Variants in TAOK3 observed in about 807,000 individuals in gnomAD.
The protein encoded by TAOK3 is TAO kinase 3, also known as serine/threonine-protein kinase TAO3.
In TAOK3, 40 loss-of-function variants were observed where a neutral mutation model predicts 120.4. The observed-to-expected ratio is 0.33, with a 90% confidence interval of 0.26 to 0.43. The LOEUF is 0.43. TAOK3 is among the 20% of genes least tolerant of loss of function. The pLI is 1.00. For synonymous variants in TAOK3, 355 were observed against 387.5 expected (o/e 0.92, Z 0.99); for missense variants, 821 against 1,112.1 (o/e 0.74, Z 3.72).
chr12:118,251,922 T>C (rs466600), intron 3 of TAOK3, among the ~76,000 whole-genome samples: 109,873 of 151,518 alleles, frequency 0.73, 39,915 homozygotes, highest in South Asian at 0.76. Flanking sequence ...CCCGGGTTCA[T>C]GCCATTCTCC....
intron 17 of TAOK3, 140 bp from the exon 18 acceptor site, chr12:118,162,167 T>G (rs1275611058): frequency 9.1e-7 from 1 of 1,093,248 alleles, no homozygotes; most frequent in Non-Finnish European, 1.3e-6. Flanking sequence ...GCAGCAGGAC[T>G]TAATGAGATT....
intron 1 of TAOK3, among the ~76,000 whole-genome samples, chr12:118,273,567 C>A (rs1310491537): frequency 1.3e-5 from 2 of 151,960 alleles, no homozygotes; most frequent in Admixed American, 6.6e-5. Context: ...ATAATCTCAG[C>A]ACTTTGGGAG....
chr12:118,355,266 A>G (rs1420711407), intron 1 of TAOK3, among the ~76,000 whole-genome samples: 1 of 152,198 alleles, frequency 6.6e-6, no homozygotes, highest in Non-Finnish European at 1.5e-5. Flanking sequence ...TAGCTGATCT[A>G]AAATCTTAAG....
chr12:118,191,302 G>A lies in TAOK3; in HGVS notation c.1195-1361C>T, dbSNP rs1160980928. 2.6e-5 allele frequency among the ~76,000 whole-genome samples: 4 copies of A among 152,276 alleles called. No individual in the cohort carries two copies. In the East Asian group the frequency reaches 7.7e-4, roughly 29 times the overall value. On this transcript the variant is annotated intron_variant, in intron 13 of 20. Coordinates refer to ENST00000392533, the MANE Select transcript of TAOK3 (RefSeq NM_016281.4). ...GTATCTACCATTACACCTATATGGA[G>A]AATTGTTTTAAATTTATGTATTATA...
At chr12:118,279,741 G>A (rs931997578) in intron 1 of TAOK3, among the ~76,000 whole-genome samples, 1 of 150,608 alleles carries the variant, frequency 6.6e-6, no homozygotes, top group Non-Finnish European at 1.5e-5. Flanking sequence ...GCAACACCAT[G>A]CCCAGCTAAT....
In TAOK3 at chr12:118,161,810, CG is replaced by C; in HGVS notation, c.2116del (p.Arg706GlyfsTer7). The C allele has an allele frequency of 6.2e-7, 1 of 1,614,174 alleles. No homozygotes were observed. Among genetic ancestry groups the C allele is most frequent in the Non-Finnish European group, 8.5e-7 (1 of 1,180,030 alleles). Reference sequence around the variant, plus strand: ...TACCTTTAAGTTTTTTGGCTGTTGCCGAAGTTCCATGACATGCTTTCTGTGC... The same window carrying C: ...TACCTTTAAGTTTTTTGGCTGTTGCCAAGTTCCATGACATGCTTTCTGTGC... The part of the protein sequence containing the change: ...ELHRKHVMEL[R>X]QQPKNLKAME... On this transcript the variant is annotated frameshift_variant, in exon 18 of 21. Coordinates refer to ENST00000392533, the MANE Select transcript of TAOK3 (RefSeq NM_016281.4). LOFTEE classifies it high-confidence loss of function. This position sits in a 1 kb window ranked among gnomAD's most constrained non-coding sequence, Gnocchi z 4.5.
chr12:118,223,789 G>A (rs1413108245), intron 9 of TAOK3, among the ~76,000 whole-genome samples: 2 of 151,890 alleles, frequency 1.3e-5, no homozygotes, highest in South Asian at 4.2e-4. Flanking sequence ...GACTACAGGT[G>A]TGTGCCACTA....
At chr12:118,217,811 G>GTATATATATA (rs1555223814) in intron 9 of TAOK3, among the ~76,000 whole-genome samples, 2 of 75,400 alleles carry the variant, frequency 2.7e-5, no homozygotes, top group Non-Finnish European at 5.1e-5. Flanking sequence ...GTGTGTGTGT[G>GTATATATATA]TATACATATA....
chr12:118,344,644 G>A (rs2044775139), intron 1 of TAOK3, among the ~76,000 whole-genome samples: 1 of 151,798 alleles, frequency 6.6e-6, no homozygotes, highest in African/African-American at 2.4e-5. Flanking sequence ...ATTCATATTT[G>A]AAACGAATGG....
intron 1 of TAOK3, among the ~76,000 whole-genome samples, chr12:118,316,545 C>T (rs1252159216): frequency 4.6e-5 from 7 of 151,934 alleles, no homozygotes; most frequent in East Asian, 3.9e-4. Flanking sequence ...GGAACACAGT[C>T]GTGTACCACC....
intron 9 of TAOK3, among the ~76,000 whole-genome samples, chr12:118,229,703 G>A (rs956552603): frequency 2.3e-4 from 35 of 152,028 alleles, no homozygotes; most frequent in African/African-American, 7.7e-4. Flanking sequence ...AGGCTGAGGC[G>A]GGTGGATCAC....
intron 1 of TAOK3, among the ~76,000 whole-genome samples, chr12:118,287,257 G>A (rs933684053): frequency 2.0e-5 from 3 of 152,106 alleles, no homozygotes; most frequent in Admixed American, 1.3e-4. Flanking sequence ...AACCTAAGTT[G>A]AATTCCTTTT....
At chr12:118,178,315 C>A (rs1277752576) in intron 15 of TAOK3, among the ~76,000 whole-genome samples, 1 of 152,076 alleles carries the variant, frequency 6.6e-6, no homozygotes, top group Admixed American at 6.5e-5. Flanking sequence ...TGTTGATAGC[C>A]CAAAGGTTAA....
intron 9 of TAOK3, among the ~76,000 whole-genome samples, chr12:118,225,246 C>CA (rs34923071): frequency 0.51 from 38,379 of 75,696 alleles, 9,596 homozygotes; most frequent in Non-Finnish European, 0.59. Context: ...GAGACTGTCT[C>CA]AAAAAAAAAA....
chr12:118,257,189 A>G (rs2041025808), intron 2 of TAOK3, among the ~76,000 whole-genome samples: 1 of 152,220 alleles, frequency 6.6e-6, no homozygotes. Flanking sequence ...AGCAAAGCCC[A>G]TGCTCTTGAT....
chr12:118,172,311 T>C (rs1052011925), intron 17 of TAOK3, 146 bp downstream of exon 17: 3 of 799,562 alleles, frequency 3.8e-6, no homozygotes, highest in Admixed American at 5.5e-5. Flanking sequence ...CCTGACTTTT[T>C]TTGTATACCT....
chr12:118,196,072 A>AATAG (rs2037711283), intron 13 of TAOK3, among the ~76,000 whole-genome samples: 1 of 150,392 alleles, frequency 6.6e-6, no homozygotes, highest in East Asian at 1.9e-4. Context: ...TAAATAAATA[A>AATAG]ATAAATAAAT....
intron 1 of TAOK3, among the ~76,000 whole-genome samples, chr12:118,366,555 A>C (rs914190766): frequency 1.2e-4 from 18 of 152,340 alleles, no homozygotes; most frequent in Admixed American, 4.6e-4. Flanking sequence ...ATTGACACTC[A>C]AAAATAGTGG....
intron 4 of TAOK3, among the ~76,000 whole-genome samples, chr12:118,244,527 CTTTTTCT>C (rs929936510): frequency 6.9e-5 from 9 of 129,558 alleles, no homozygotes; most frequent in African/African-American, 2.3e-4. Context: ...TTTCTTTTTT[CTTTTTCT>C]TTTTTTTTTT....
Sources: allele counts gnomAD v4.1 joint callset (sites outside exome capture counted in the v4.1 genomes callset), GRCh38; gene constraint gnomAD v4.1.1; non-coding constraint Gnocchi (gnomAD v3.1); transcripts MANE v1.5; gene names NCBI Gene and HGNC (gene_info 2026-07-23, HGNC 2026-07-21).